Variants in ARHGEF12 observed in about 807,000 individuals in gnomAD.
ARHGEF12 encodes the protein KMT2A/ARHGEF12 fusion protein.
A neutral mutation model predicts 211.2 loss-of-function variants in ARHGEF12; 66 were observed. The observed-to-expected ratio is 0.31, with a 90% CI of 0.26 to 0.38. ARHGEF12 has a LOEUF of 0.38. Among genes scored for constraint, ARHGEF12 ranks in the 10% least tolerant of loss-of-function variants. ARHGEF12 has a pLI of 1.00. For missense variants in ARHGEF12, 1,429 were observed against 1,869.5 expected (o/e 0.76, Z 4.34); for synonymous variants, 592 against 638.4 (o/e 0.93, Z 1.09).
chr11:120,351,358 A>C, intron 1 of ARHGEF12, among the ~76,000 whole-genome samples: 1 of 143,054 alleles, frequency 7.0e-6, no homozygotes, highest in African/African-American at 2.5e-5. Flanking sequence ...AAAAAAAAAA[A>C]AAAAAAGGTG....
rs1025919456 is a variant in ARHGEF12 at position 120,367,353 on chromosome 11, C to CTTTTTTTTTTTTTTTT, written c.32+30093_32+30108dup. ...AAAAAATCTGTTAGGATACTTTTTCCTTTTTTTTTTTTTTTTTTTTTTTTT... is the reference window on the plus strand; with the variant it reads ...AAAAAATCTGTTAGGATACTTTTTCCTTTTTTTTTTTTTTTTTTTTTTTTTTTTTTTTTTTTTTTTT... On this transcript the variant is annotated intron_variant, in intron 1 of 40. Coordinates refer to ENST00000397843, the MANE Select transcript of ARHGEF12 (RefSeq NM_015313.3). 2.2e-3 allele frequency among the ~76,000 whole-genome samples: 128 copies of CTTTTTTTTTTTTTTTT among 59,346 alleles called. 25 individuals carry two copies. Among genetic ancestry groups the CTTTTTTTTTTTTTTTT allele is most frequent in the East Asian group, 4.4e-3 (9 of 2,034 alleles). 38.9% of individuals were successfully genotyped at this position (59,346 alleles called of 152,430 possible). A position where few individuals can be genotyped will look rare whatever the true frequency, so the allele number is the denominator to read the frequency against.
chr11:120,347,745 G>C (rs1449631632), intron 1 of ARHGEF12, among the ~76,000 whole-genome samples: 1 of 152,088 alleles, frequency 6.6e-6, no homozygotes, highest in Non-Finnish European at 1.5e-5. Context: ...TCATTTCCAT[G>C]GTTGTAGGGA....
intron 5 of ARHGEF12, among the ~76,000 whole-genome samples, chr11:120,421,540 C>G (rs571024872): frequency 6.8e-6 from 1 of 146,874 alleles, no homozygotes; most frequent in South Asian, 2.2e-4. Context: ...TGGGTTAAAG[C>G]GACTCTCCTG....
At position 120,420,324 on chromosome 11, in the gene ARHGEF12, G is replaced by T. The variant is rs551653103; in HGVS notation, c.200-429G>T. On this transcript the variant is annotated intron_variant, in intron 4 of 40. Transcript: ENST00000397843. ...ATTTCTGCAGAATTTTCCTTGAGAT[G>T]CTCCTAGCCCCATGTCCTAAGATGG... Among the ~76,000 whole-genome samples, 8 of 152,128 alleles carry T rather than the reference G, an allele frequency of 5.3e-5. No homozygotes were observed. The East Asian group carries it at 1.6e-3, about 30-fold the overall frequency.
intron 22 of ARHGEF12, among the ~76,000 whole-genome samples, chr11:120,453,484 C>CT (rs1946271572): frequency 6.6e-6 from 1 of 152,138 alleles, no homozygotes; most frequent in Non-Finnish European, 1.5e-5. Flanking sequence ...CTTTGGGAGG[C>CT]TGAGGCAGGA....
At chr11:120,431,064 C>T (rs1394607117) in intron 10 of ARHGEF12, among the ~76,000 whole-genome samples, 1 of 151,986 alleles carries the variant, frequency 6.6e-6, no homozygotes, top group African/African-American at 2.4e-5. Context: ...CCGAGGCGGG[C>T]AGATCATCTG....
At chr11:120,360,734 A>G (rs1943254522) in intron 1 of ARHGEF12, among the ~76,000 whole-genome samples, 1 of 152,196 alleles carries the variant, frequency 6.6e-6, no homozygotes, top group Admixed American at 6.5e-5. Context: ...TTCCAGAGGG[A>G]ACTTCATTGT....
intron 1 of ARHGEF12, among the ~76,000 whole-genome samples, chr11:120,338,714 C>G (rs1202474487): frequency 6.6e-6 from 1 of 152,150 alleles, no homozygotes; most frequent in Non-Finnish European, 1.5e-5. Context: ...AATTCTCGCT[C>G]TTTCTGTTGA....
chr11:120,343,029 C>T (rs369868733), intron 1 of ARHGEF12, among the ~76,000 whole-genome samples: 1 of 151,666 alleles, frequency 6.6e-6, no homozygotes, highest in Admixed American at 6.6e-5. Context: ...CTCTTATTTC[C>T]ACATGTTAGT....
chr11:120,399,046 G>T (rs1944471926), intron 1 of ARHGEF12, among the ~76,000 whole-genome samples: 1 of 151,882 alleles, frequency 6.6e-6, no homozygotes, highest in Non-Finnish European at 1.5e-5. Flanking sequence ...CAGGCACAGT[G>T]TCTCATGCCT....
chr11:120,446,337 TA>T (rs1946047144), intron 16 of ARHGEF12, 65 bp from the exon 17 acceptor site: 1 of 1,236,360 alleles, frequency 8.1e-7, no homozygotes, highest in Non-Finnish European at 1.1e-6. Context: ...GTAGCATTGC[TA>T]TGTTGCCAAT....
chr11:120,456,215 A>G (rs1946355967), intron 22 of ARHGEF12, among the ~76,000 whole-genome samples: 1 of 152,206 alleles, frequency 6.6e-6, no homozygotes, highest in East Asian at 1.9e-4. Context: ...AATTCTTTTA[A>G]TGATGCAAGT....
At position 120,474,590 on chromosome 11, in the gene ARHGEF12, C is replaced by T. The variant is rs1195857306; in HGVS notation, c.3064C>T (p.His1022Tyr). The part of the protein sequence containing the change: ...NLDLTKRKMI[H>Y]EGPLVWKVNR... Reference sequence around the variant, plus strand: ...GGATTTAACAAAAAGGAAGATGATTCATGAAGGGCCATTGGTTTGGAAGGT... The same window carrying T: ...GGATTTAACAAAAAGGAAGATGATTTATGAAGGGCCATTGGTTTGGAAGGT... The change falls in exon 32 of 41, where the codon CAT (histidine) becomes TAT (tyrosine). Residue 1022 changes from histidine to tyrosine, a missense_variant. Around this residue, in one of 7 missense-constraint regions of ARHGEF12, gnomAD observed 223 missense variants for 444.6 expected, o/e 0.50. Coordinates refer to ENST00000397843, the MANE Select transcript of ARHGEF12 (RefSeq NM_015313.3). 3 of 1,611,842 alleles carry T rather than the reference C, an allele frequency of 1.9e-6. No individual in the cohort carries two copies. The highest frequency in any genetic ancestry group is 2.5e-6 in the Non-Finnish European group (3 of 1,179,470).
intron 22 of ARHGEF12, among the ~76,000 whole-genome samples, chr11:120,453,265 G>A (rs1015381919): frequency 6.6e-6 from 1 of 152,140 alleles, no homozygotes; most frequent in African/African-American, 2.4e-5. Context: ...GTTAGATTGG[G>A]TATATGCACT....
In ARHGEF12 at chr11:120,441,828, T is replaced by C. The variant is rs1197584720; in HGVS notation, c.1203+11T>C. 1 of 1,608,642 alleles carries C rather than the reference T, an allele frequency of 6.2e-7. No individual in the cohort carries two copies. The highest frequency in any genetic ancestry group is 8.5e-7 in the Non-Finnish European group (1 of 1,175,502). ...GACCCTGCGACTTTGGTAATATATT[T>C]TACAATCTAGCAGATTCAGAGTTCT... On this transcript the variant is annotated intron_variant, in intron 14 of 40. Coordinates refer to ENST00000397843, the MANE Select transcript of ARHGEF12 (RefSeq NM_015313.3).
intron 26 of ARHGEF12, among the ~76,000 whole-genome samples, chr11:120,459,889 C>T (rs1479794613): frequency 1.3e-5 from 2 of 151,828 alleles, no homozygotes; most frequent in African/African-American, 2.4e-5. Flanking sequence ...TTGTATTTTT[C>T]GTAGAGATGG....
chr11:120,447,815 C>CA, intron 18 of ARHGEF12, 59 bp from the exon 19 acceptor site: 4 of 1,288,580 alleles, frequency 3.1e-6, no homozygotes, highest in Non-Finnish European at 4.3e-6. Flanking sequence ...GACTCTGTCT[C>CA]AAAAAAATTA....
chr11:120,441,623 T>C, intron 13 of ARHGEF12, 84 bp from the exon 14 acceptor site: 1 of 1,024,712 alleles, frequency 9.8e-7, no homozygotes, highest in East Asian at 2.6e-5. Context: ...AAGTGAAATT[T>C]GGATAGCTAT....
intron 1 of ARHGEF12, among the ~76,000 whole-genome samples, chr11:120,353,394 A>T (rs1392363723): frequency 6.6e-6 from 1 of 152,208 alleles, no homozygotes; most frequent in Admixed American, 6.5e-5. Flanking sequence ...ACATGAGAAC[A>T]ATCTCAGAAA....
Sources: allele counts gnomAD v4.1 joint callset (sites outside exome capture counted in the v4.1 genomes callset), GRCh38; gene constraint gnomAD v4.1.1; regional missense constraint gnomAD v4.1.1; transcripts MANE v1.5; gene names NCBI Gene and HGNC (gene_info 2026-07-23, HGNC 2026-07-21).